Variants in MEF2C observed in about 807,000 individuals in gnomAD.
MEF2C encodes myocyte enhancer factor 2C.
MEF2C carries 6 observed loss-of-function variants against 50.5 expected under a neutral mutation model. That is an observed-to-expected ratio of 0.12 (90% confidence interval 0.07 to 0.23). The LOEUF is 0.23. Among genes scored for constraint, MEF2C ranks in the 10% least tolerant of loss-of-function variants. The pLI is 1.00. For synonymous variants in MEF2C, 183 were observed against 228.0 expected (o/e 0.80, Z 1.78); for missense variants, 276 against 605.0 (o/e 0.46, Z 5.70).
At chr5:88,735,159 G>A in intron 6 of MEF2C, 2 of 985,366 alleles carry the variant, frequency 2.0e-6, no homozygotes, top group Non-Finnish European at 2.4e-6. Flanking sequence ...CTGCTAAGAA[G>A]AGCCTGCATT....
At chr5:88,819,118 T>C (rs1807025832) in intron 2 of MEF2C, among the ~76,000 whole-genome samples, 1 of 151,934 alleles carries the variant, frequency 6.6e-6, no homozygotes, top group African/African-American at 2.4e-5. Flanking sequence ...AGCTAGTAAG[T>C]GGCAGAACTG....
intron 4 of MEF2C, among the ~76,000 whole-genome samples, chr5:88,760,153 C>T (rs1400475354): frequency 6.6e-6 from 1 of 152,270 alleles, no homozygotes; most frequent in Middle Eastern, 3.4e-3. Flanking sequence ...GGGTTTCACC[C>T]CTTTCAGCCA....
intron 1 of MEF2C, among the ~76,000 whole-genome samples, chr5:88,897,455 C>T (rs1317457510): frequency 6.6e-6 from 1 of 152,152 alleles, no homozygotes; most frequent in Non-Finnish European, 1.5e-5. Flanking sequence ...CATTCTAAAA[C>T]TTGGTGAATG....
chr5:88,737,217 A>C (rs968896222), intron 6 of MEF2C: 1 of 985,168 alleles, frequency 1.0e-6, no homozygotes, highest in Non-Finnish European at 1.2e-6. Flanking sequence ...TACTTGAGAA[A>C]ATTTTATATT....
intron 6 of MEF2C, chr5:88,747,987 A>G: frequency 1.1e-6 from 1 of 933,848 alleles, no homozygotes; most frequent in Non-Finnish European, 1.3e-6. Context: ...GGCTCGACCT[A>G]ATTTTCAAAA....
intron 4 of MEF2C, 128 bp downstream of exon 4, chr5:88,761,057 T>TG (rs1288815957): frequency 6.2e-7 from 1 of 1,613,850 alleles, no homozygotes; most frequent in South Asian, 1.1e-5. Flanking sequence ...CTTCAGTGCG[T>TG]GGGGTGAGTG....
chr5:88,824,104 T>A, intron 1 of MEF2C, 174 bp from the exon 2 acceptor site: 1 of 868,432 alleles, frequency 1.2e-6, no homozygotes, highest in Non-Finnish European at 1.4e-6. Flanking sequence ...GCAGATCAAG[T>A]AGTTTTATTT....
chr5:88,744,075 T>C (rs1276956381), intron 6 of MEF2C: 28 of 981,832 alleles, frequency 2.9e-5, no homozygotes, highest in Non-Finnish European at 3.4e-5. Context: ...TTGAGCATAC[T>C]GGTCCTTTCT....
At chr5:88,845,889 C>T (rs933525509) in intron 1 of MEF2C, among the ~76,000 whole-genome samples, 3 of 151,924 alleles carry the variant, frequency 2.0e-5, no homozygotes, top group East Asian at 1.9e-4. Context: ...CGCCACAACA[C>T]CCAGCTAATT....
intron 5 of MEF2C, 100 bp downstream of exon 5, chr5:88,751,757 T>G: frequency 7.5e-7 from 1 of 1,338,510 alleles, no homozygotes; most frequent in Non-Finnish European, 1.0e-6. Flanking sequence ...GGAGAGTAAG[T>G]GGAAAACCAG....
intron 1 of MEF2C, among the ~76,000 whole-genome samples, chr5:88,847,664 A>ACTTTT (rs761350464): frequency 2.6e-5 from 4 of 151,998 alleles, no homozygotes; most frequent in South Asian, 4.1e-4. Context: ...CTCTATTACC[A>ACTTTT]CTTTTCTTTT....
Position 88,768,759 on chromosome 5 carries a change from A to G in MEF2C, c.259-7431T>C, listed in dbSNP as rs546129179. 3 of 845,806 alleles carry G rather than the reference A, an allele frequency of 3.5e-6. No individual in the cohort carries two copies. The African/African-American group carries it at 5.5e-5, about 15-fold the overall frequency. The allele number at this position is 845,806 out of a possible 1,614,324, so 52.4% of individuals were successfully genotyped here. A position where few individuals can be genotyped will look rare whatever the true frequency, so the allele number is the denominator to read the frequency against. On this transcript the variant is annotated intron_variant, in intron 3 of 10. Coordinates refer to ENST00000504921, the MANE Select transcript of MEF2C (RefSeq NM_002397.5). ...TGCAACTGCAATCTCTTTTTTTTCC[A>G]TTTATTACTACCATTTCACACTACG...
At chr5:88,771,914 A>G (rs1292485166) in intron 3 of MEF2C, 1 of 152,282 alleles carries the variant, frequency 6.6e-6, no homozygotes, top group Non-Finnish European at 1.5e-5. Context: ...TGGTTCACAA[A>G]TGGTGGGATT....
rs1234295218 is a variant in MEF2C, at chr5:88,843,397, G to C, written c.-142-19467C>G. On this transcript the variant is annotated intron_variant, in intron 1 of 10. Coordinates refer to ENST00000504921, the MANE Select transcript of MEF2C (RefSeq NM_002397.5). ...TGAACCAACAAATTGTTGAAATTAAGCTAAAAAAATCAATCTATCTTTGGA... is the reference window on the plus strand; with the variant it reads ...TGAACCAACAAATTGTTGAAATTAACCTAAAAAAATCAATCTATCTTTGGA... 3 of 985,004 alleles carry C rather than the reference G, an allele frequency of 3.0e-6. No homozygotes were observed. The African/African-American group carries it at 5.2e-5, about 17-fold the overall frequency. The allele number at this position is 985,004 out of a possible 1,614,324, so 61.0% of individuals were successfully genotyped here.
intron 3 of MEF2C, among the ~76,000 whole-genome samples, chr5:88,796,701 A>C (rs1796166786): frequency 1.3e-5 from 2 of 151,752 alleles, no homozygotes; most frequent in Admixed American, 1.3e-4. Context: ...TAGTTCTTTT[A>C]ATTGTGATGT....
intron 3 of MEF2C, among the ~76,000 whole-genome samples, chr5:88,772,530 A>G (rs1474792562): frequency 6.6e-6 from 1 of 152,222 alleles, no homozygotes; most frequent in Non-Finnish European, 1.5e-5. Flanking sequence ...AACATCACCA[A>G]TAACAGTTTT....
chr5:88,798,445 G>A (rs1214756214), intron 3 of MEF2C, among the ~76,000 whole-genome samples: 2 of 151,600 alleles, frequency 1.3e-5, no homozygotes, highest in African/African-American at 2.4e-5. Context: ...ATTGATACTC[G>A]TGTATGCTTA....
chr5:88,722,133 T>TC lies in MEF2C; in HGVS notation c.*470_*471insG. 3 of 156,714 alleles carry TC rather than the reference T, an allele frequency of 1.9e-5. No homozygotes were observed. Among genetic ancestry groups the TC allele is most frequent in the South Asian group, 1.9e-4 (1 of 5,170 alleles). 9.7% of individuals were successfully genotyped at this position (156,714 alleles called of 1,614,324 possible). ...TTGGGATGTCAGGTGACCTGGTGTG[T>TC]TCCTAACATTTACCAATGGCCACCC... On this transcript the variant is annotated 3_prime_UTR_variant, in exon 11 of 11. Coordinates refer to ENST00000504921, the MANE Select transcript of MEF2C (RefSeq NM_002397.5).
chr5:88,746,636 A>T (rs934445870), intron 6 of MEF2C: 1 of 985,320 alleles, frequency 1.0e-6, no homozygotes, highest in Non-Finnish European at 1.2e-6. Context: ...CTTCTCTGAA[A>T]ATGTAGCAAC....
Sources: allele counts gnomAD v4.1 joint callset (sites outside exome capture counted in the v4.1 genomes callset), GRCh38; gene constraint gnomAD v4.1.1; transcripts MANE v1.5; gene names NCBI Gene and HGNC (gene_info 2026-07-23, HGNC 2026-07-21).